SAMMSON: variants seen among roughly 807,000 people sequenced by gnomAD.
SAMMSON encodes the protein survival associated mitochondrial melanoma specific oncogenic non-coding RNA.
chr3:70,223,599 G>A (rs1014336428), intron 4 of SAMMSON, among the ~76,000 whole-genome samples: 33 of 152,128 alleles, frequency 2.2e-4, no homozygotes, highest in African/African-American at 7.0e-4. Context: ...ATTGTCCTTC[G>A]GGCAGGTACA....
At chr3:70,144,516 C>T (rs1312691351) in intron 4 of SAMMSON, among the ~76,000 whole-genome samples, 1 of 152,154 alleles carries the variant, frequency 6.6e-6, no homozygotes, top group Non-Finnish European at 1.5e-5. Flanking sequence ...ATATCTCCCC[C>T]TGTGGAATCC....
At chr3:70,328,153 G>C (rs1380662069) in intron 7 of SAMMSON, among the ~76,000 whole-genome samples, 4 of 152,138 alleles carry the variant, frequency 2.6e-5, no homozygotes, top group Admixed American at 2.6e-4. Flanking sequence ...GCATGGGAAA[G>C]GTCTGCCCCC....
chr3:70,286,535 G>T (rs1702165524), intron 6 of SAMMSON, among the ~76,000 whole-genome samples: 1 of 151,810 alleles, frequency 6.6e-6, no homozygotes, highest in Admixed American at 6.6e-5. Context: ...TTGACTTGGT[G>T]ATGCGGGCTC....
At chr3:70,416,762 T>G (rs1185247665) in intron 2 of SAMMSON, among the ~76,000 whole-genome samples, 1 of 152,176 alleles carries the variant, frequency 6.6e-6, no homozygotes, top group Non-Finnish European at 1.5e-5. Context: ...CCCTTTAAAT[T>G]TAGTGAAATT....
chr3:70,020,732 T>G (rs2067010019), intron 3 of SAMMSON, among the ~76,000 whole-genome samples: 1 of 152,096 alleles, frequency 6.6e-6, no homozygotes. Context: ...ATAATGATAA[T>G]AGCAGTAGCA....
At chr3:70,093,870 T>C (rs1374109634) in intron 4 of SAMMSON, among the ~76,000 whole-genome samples, 2 of 152,136 alleles carry the variant, frequency 1.3e-5, no homozygotes, top group African/African-American at 2.4e-5. Context: ...AACCAAAGCT[T>C]TTTGATTCTT....
intron 6 of SAMMSON, among the ~76,000 whole-genome samples, chr3:70,285,536 A>G (rs1460127053): frequency 2.6e-5 from 4 of 152,026 alleles, no homozygotes. Flanking sequence ...ATGTGTCTTT[A>G]TAGCAGCATG....
intron 3 of SAMMSON, among the ~76,000 whole-genome samples, chr3:70,019,307 TG>T (rs1239610084): frequency 6.6e-6 from 1 of 152,230 alleles, no homozygotes; most frequent in African/African-American, 2.4e-5. Flanking sequence ...TAGCTCTTCA[TG>T]TTGAATTGTT....
chr3:70,308,349 G>T (rs1012182495), intron 7 of SAMMSON, among the ~76,000 whole-genome samples: 3 of 152,004 alleles, frequency 2.0e-5, no homozygotes, highest in Non-Finnish European at 4.4e-5. Flanking sequence ...GAGTCACTAT[G>T]CTGAGCAATG....
intron 2 of SAMMSON, among the ~76,000 whole-genome samples, chr3:70,404,149 CATT>C (rs1164548980): frequency 6.6e-6 from 1 of 151,810 alleles, no homozygotes. Context: ...TTTAGCATGA[CATT>C]GTCATGGATA....
chr3:70,266,527 C>G (rs552360633), intron 6 of SAMMSON, among the ~76,000 whole-genome samples: 17 of 152,166 alleles, frequency 1.1e-4, no homozygotes, highest in Admixed American at 7.8e-4. Context: ...CTCAAGTGAT[C>G]CAGAGTCCTG....
intron 6 of SAMMSON, chr3:70,283,913 G>T (rs1471012484): frequency 6.6e-6 from 1 of 152,018 alleles, no homozygotes; most frequent in Non-Finnish European, 1.5e-5. Flanking sequence ...TAATACATGT[G>T]CTATTAATAA....
chr3:70,016,087 G>A (rs1358772463), intron 3 of SAMMSON, among the ~76,000 whole-genome samples: 2 of 152,140 alleles, frequency 1.3e-5, no homozygotes, highest in Non-Finnish European at 2.9e-5. Flanking sequence ...CCAGTAATGG[G>A]ATTGCTGGGT....
intron 6 of SAMMSON, among the ~76,000 whole-genome samples, chr3:70,282,491 C>T (rs941589722): frequency 6.6e-6 from 1 of 152,216 alleles, no homozygotes; most frequent in African/African-American, 2.4e-5. Context: ...TGATTGGGCC[C>T]TGAGCCTCTG....
chr3:70,363,052 C>A (rs926413483), intron 9 of SAMMSON, among the ~76,000 whole-genome samples: 11 of 151,002 alleles, frequency 7.3e-5, no homozygotes. Context: ...ATAGTAAAGA[C>A]AAAGGGGAAT....
At chr3:70,018,887 T>C (rs1479083403) in intron 3 of SAMMSON, among the ~76,000 whole-genome samples, 16 of 152,274 alleles carry the variant, frequency 1.1e-4, no homozygotes, top group Admixed American at 3.9e-4. Context: ...TGTAGTTGAG[T>C]GGTTTTGAGT....
intron 4 of SAMMSON, among the ~76,000 whole-genome samples, chr3:70,233,877 C>G (rs1701584943): frequency 6.6e-6 from 1 of 152,144 alleles, no homozygotes; most frequent in Non-Finnish European, 1.5e-5. Context: ...TTCAGTTTAT[C>G]TATCCACCCA....
chr3:70,013,762 G>A (rs1576095761), intron 3 of SAMMSON: 1 of 152,098 alleles, frequency 6.6e-6, no homozygotes, highest in African/African-American at 2.4e-5. Context: ...TTAAGAATAG[G>A]TGTGGATTAT....
intron 7 of SAMMSON, among the ~76,000 whole-genome samples, chr3:70,327,289 A>G (rs753690753): frequency 6.6e-6 from 1 of 152,228 alleles, no homozygotes; most frequent in African/African-American, 2.4e-5. Context: ...ACAAACAAGC[A>G]TACAAACAAA....
Sources: gnomAD v4.1 joint callset for allele counts (sites outside exome capture counted in the v4.1 genomes callset) on GRCh38, gnomAD v4.1.1 for gene constraint, MANE v1.5 for transcripts, NCBI Gene and HGNC (gene_info 2026-07-23, HGNC 2026-07-21) for gene names.